Variants in XDH observed in about 807,000 individuals in gnomAD.
XDH encodes the protein xanthine dehydrogenase, also known as xanthine dehydrogenase/oxidase.
Under a neutral mutation model 156.1 loss-of-function variants are expected in XDH, and 138 were observed. That is an observed-to-expected ratio of 0.88 (90% CI 0.77 to 1.02). The LOEUF is 1.02. Ranked by LOEUF, XDH falls within the 50% of genes least tolerant of loss-of-function variation. The pLI is 0.00. For synonymous variants in XDH, 669 were observed against 625.7 expected (o/e 1.07, Z -1.03); for missense variants, 1,849 against 1,684.9 (o/e 1.10, Z -1.71).
At chr2:31,381,079 TC>T (rs1686425807) in intron 12 of XDH, among the ~76,000 whole-genome samples, 1 of 151,436 alleles carries the variant, frequency 6.6e-6, no homozygotes, top group South Asian at 2.1e-4. Context: ...CACTGCAACC[TC>T]CGCTTCCCAG....
intron 17 of XDH, among the ~76,000 whole-genome samples, chr2:31,371,523 C>T (rs188097329): frequency 6.6e-6 from 1 of 152,316 alleles, no homozygotes; most frequent in East Asian, 1.9e-4. Context: ...TCAACCCCCT[C>T]ATCCTCTTCC....
At chr2:31,387,545 A>G (rs1006022366) in intron 8 of XDH, among the ~76,000 whole-genome samples, 1 of 152,160 alleles carries the variant, frequency 6.6e-6, no homozygotes, top group Non-Finnish European at 1.5e-5. Context: ...GCCAGTCCCT[A>G]TCCTCATGGG....
intron 6 of XDH, among the ~76,000 whole-genome samples, chr2:31,389,144 T>C (rs1024288506): frequency 7.2e-5 from 11 of 152,206 alleles, no homozygotes; most frequent in African/African-American, 2.4e-4. Flanking sequence ...GGGTAGTCAA[T>C]TCCTGAAAAA....
chr2:31,356,086 G>A (rs1685615113), intron 24 of XDH, among the ~76,000 whole-genome samples: 1 of 152,138 alleles, frequency 6.6e-6, no homozygotes, highest in South Asian at 2.1e-4. Flanking sequence ...AATACTAATT[G>A]TGTCTGCCCC....
Position 31,379,939 on chromosome 2 carries a change from G to A in XDH, c.1170C>T (p.Phe390=), listed in dbSNP as rs146169510. 1 of 1,614,150 alleles carries A rather than the reference G, an allele frequency of 6.2e-7. No homozygotes were observed. The highest frequency in any genetic ancestry group is 8.5e-7 in the Non-Finnish European group (1 of 1,180,036). The change falls in exon 13 of 36, where the codon TTC becomes TTT. Residue 390 remains phenylalanine, a synonymous_variant. Coordinates refer to ENST00000379416, the MANE Select transcript of XDH (RefSeq NM_000379.4). ...TCAGCAGGGTCTTTCTGTAGCCAGGGAAGAAGGTGTGGTCCATCTGGACAG... is the reference window on the plus strand; with the variant it reads ...TCAGCAGGGTCTTTCTGTAGCCAGGAAAGAAGGTGTGGTCCATCTGGACAG... The part of the protein sequence containing the change: ...RRTVQMDHTF[F]PGYRKTLLSP...
rs752713974 is a variant in XDH at position 31,368,623 on chromosome 2, G to A, written c.2018C>T (p.Ala673Val). 11 of 1,614,096 alleles carry A rather than the reference G, an allele frequency of 6.8e-6. No individual in the cohort carries two copies. The East Asian group carries it at 8.9e-5, about 13-fold the overall frequency. ...TCTCTGTGTGTGTTCCGGGGTGTCA[G>A]CAACCACAGCACCAATGATATGCCC... ...CVGHIIGAVVADTPEHTQRAA... is the reference protein window; with the variant it reads ...CVGHIIGAVVVDTPEHTQRAA... Residue 673 changes from alanine to valine, a missense_variant, in exon 19 of 36, where the codon GCT becomes GTT. Transcript: ENST00000379416.
In XDH at chr2:31,339,694, G is replaced by C. The variant is rs199696614; in HGVS notation, c.3586-17C>G. The C allele has an allele frequency of 5.0e-6, 8 of 1,613,572 alleles. No individual in the cohort carries two copies. In the South Asian group the frequency reaches 8.8e-5, roughly 18 times the overall value. ...CCCTTCCACCTGCAGGATGGATGGAGAGCACAGTTAGCCTGCCACCTTCTT... is the reference window on the plus strand; with the variant it reads ...CCCTTCCACCTGCAGGATGGATGGACAGCACAGTTAGCCTGCCACCTTCTT... On this transcript the variant is annotated splice_polypyrimidine_tract_variant and intron_variant, in intron 33 of 35. Coordinates refer to ENST00000379416, the MANE Select transcript of XDH (RefSeq NM_000379.4).
chr2:31,357,008 G>A (rs1331250939), intron 24 of XDH, among the ~76,000 whole-genome samples: 6 of 152,062 alleles, frequency 3.9e-5, no homozygotes, highest in Non-Finnish European at 7.4e-5. Flanking sequence ...CAAAGAGAAG[G>A]TGTCAGGGAA....
At chr2:31,346,719 G>A (rs376736307) in intron 30 of XDH, 50 bp downstream of exon 30, 65 of 1,609,504 alleles carry the variant, frequency 4.0e-5, no homozygotes, top group Non-Finnish European at 5.1e-5. Context: ...AGGCCCTGCT[G>A]TCAATTTCCC....
At chr2:31,404,318 G>A (rs370581366) in intron 2 of XDH, among the ~76,000 whole-genome samples, 2 of 152,174 alleles carry the variant, frequency 1.3e-5, no homozygotes, top group African/African-American at 4.8e-5. Flanking sequence ...ACGAATGGTG[G>A]CACCTGAAGA....
Position 31,370,496 on chromosome 2 carries a change from G to T in XDH, c.1857-18C>A. On this transcript the variant is annotated intron_variant, in intron 17 of 35. Coordinates refer to ENST00000379416, the MANE Select transcript of XDH (RefSeq NM_000379.4). ...CTATGGACCTGCAAGAATGAGTGGTGTGAGGGGCCAGGTCAGCAAGCTGGA... is the reference window on the plus strand; with the variant it reads ...CTATGGACCTGCAAGAATGAGTGGTTTGAGGGGCCAGGTCAGCAAGCTGGA... 1 of 1,614,032 alleles carries T rather than the reference G, an allele frequency of 6.2e-7. No individual in the cohort carries two copies. The highest frequency in any genetic ancestry group is 1.7e-4 in the Middle Eastern group (1 of 6,052).
At chr2:31,336,663 G>A (rs564453579) in intron 35 of XDH, among the ~76,000 whole-genome samples, 2 of 150,998 alleles carry the variant, frequency 1.3e-5, no homozygotes, top group African/African-American at 4.9e-5. Context: ...ACCCAAGGAA[G>A]ACCTGAATGG....
chr2:31,391,716 T>G (rs1686768693), intron 6 of XDH, among the ~76,000 whole-genome samples: 1 of 152,230 alleles, frequency 6.6e-6, no homozygotes, highest in African/African-American at 2.4e-5. Flanking sequence ...ACACACTTTT[T>G]AGATTCATAC....
chr2:31,346,419 C>A (rs1196873216), intron 30 of XDH, among the ~76,000 whole-genome samples: 1 of 152,096 alleles, frequency 6.6e-6, no homozygotes, highest in African/African-American at 2.4e-5. Flanking sequence ...CTGGGACAAG[C>A]GGGGTGTGGG....
rs370126462 is a variant in XDH at position 31,366,923 on chromosome 2, C to T, written c.2269G>A (p.Glu757Lys). ...THCTIAVPKG[E>K]AGEMELFVST... ...ACAAAGAGCTCCATCTCCCCTGCCT[C>T]GCCTTTTGGAACAGCAATGGTGCAG... The change falls in exon 21 of 36, where the codon GAG becomes AAG. Residue 757 changes from glutamate to lysine, a missense_variant. Physicochemically the swap from Glu to Lys is moderately conservative, Grantham distance 56. Transcript: ENST00000379416. The T allele has an allele frequency of 2.6e-5, 42 of 1,614,248 alleles. No homozygotes were observed. The highest frequency in any genetic ancestry group is 1.3e-4 in the Admixed American group (8 of 60,028).
In XDH at chr2:31,377,123, C is replaced by T. The variant is rs185036611; in HGVS notation, c.1357G>A (p.Ala453Thr). The T allele has an allele frequency of 4.2e-4, 681 of 1,614,124 alleles. No homozygotes were observed. The highest frequency in any genetic ancestry group is 1.3e-3 in the Admixed American group (77 of 60,016). Reference sequence around the variant, plus strand: ...TTGGCCATTCCACCATAGCAAAGGGCCAGCTCCTGTACCTCTGTGGTTCCT... The same window carrying T: ...TTGGCCATTCCACCATAGCAAAGGGTCAGCTCCTGTACCTCTGTGGTTCCT... ...KPGTTEVQEL[A>T]LCYGGMANRT... Residue 453 changes from alanine to threonine, a missense_variant, in exon 14 of 36, where the codon GCC becomes ACC. Physicochemically the swap from Ala to Thr is moderately conservative, Grantham distance 58. Transcript: ENST00000379416.
At position 31,366,102 on chromosome 2, in the gene XDH, A is replaced by C; in HGVS notation, c.2330T>G (p.Val777Gly). 2 of 1,614,210 alleles carry C rather than the reference A, an allele frequency of 1.2e-6. No individual in the cohort carries two copies. Among genetic ancestry groups the C allele is most frequent in the Non-Finnish European group, 1.7e-6 (2 of 1,180,030 alleles). The part of the protein sequence containing the change: ...TQNTMKTQSF[V>G]AKMLGVPANR... ...TGCTGGAACCCCCAACATTTTTGCA[A>C]CAAAGCTCTGTGAGTGAAAGACAGA... The change falls in exon 22 of 36, where the codon GTT (valine) becomes GGT (glycine). Residue 777 changes from valine to glycine, a missense_variant. Transcript: ENST00000379416.
intron 33 of XDH, 40 bp from the exon 34 acceptor site, chr2:31,339,717 C>A: frequency 1.9e-6 from 3 of 1,608,884 alleles, no homozygotes; most frequent in Middle Eastern, 3.3e-4. Context: ...CTGCCACCTT[C>A]TTCCCTGAGG....
intron 20 of XDH, 120 bp from the exon 21 acceptor site, chr2:31,367,114 T>G (rs1572533447): frequency 2.0e-6 from 3 of 1,537,950 alleles, no homozygotes; most frequent in Non-Finnish European, 2.7e-6. Context: ...ACCTGAGGGG[T>G]AACCTCAAGG....
Sources: allele counts gnomAD v4.1 joint callset (sites outside exome capture counted in the v4.1 genomes callset), GRCh38; gene constraint gnomAD v4.1.1; transcripts MANE v1.5; gene names NCBI Gene and HGNC (gene_info 2026-07-23, HGNC 2026-07-21).